CDH13: variants seen among roughly 807,000 people sequenced by gnomAD.
The protein encoded by CDH13 is cadherin 13.
CDH13 carries 24 observed loss-of-function variants against 63.8 expected under a neutral mutation model. The ratio of observed to expected loss-of-function variants is 0.38; its 90% CI spans 0.27 to 0.53. CDH13 has a LOEUF of 0.53. Ranked by LOEUF, CDH13 falls within the 20% of genes least tolerant of loss-of-function variation. The probability of loss-of-function intolerance (pLI) is 0.85; values close to 1 mark genes in which losing one functional copy is unlikely to be tolerated. For synonymous variants in CDH13, 503 were observed against 355.3 expected (o/e 1.42, Z -4.67); for missense variants, 1,049 against 903.1 (o/e 1.16, Z -2.07).
intron 5 of CDH13, among the ~76,000 whole-genome samples, chr16:83,340,631 G>C (rs182878276): frequency 1.3e-5 from 2 of 152,116 alleles, no homozygotes; most frequent in Admixed American, 1.3e-4. Flanking sequence ...TCCTCTGTAG[G>C]ATCTAGACAG....
chr16:83,648,146 C>G (rs1435500446), intron 8 of CDH13, among the ~76,000 whole-genome samples: 3 of 152,026 alleles, frequency 2.0e-5, no homozygotes, highest in Non-Finnish European at 4.4e-5. Context: ...AAAGCCATAC[C>G]TTGGAAGGAC....
chr16:82,652,800 A>G (rs567192309), intron 1 of CDH13, among the ~76,000 whole-genome samples: 1 of 145,940 alleles, frequency 6.9e-6, no homozygotes, highest in African/African-American at 2.5e-5. Flanking sequence ...GTCTTTTGTG[A>G]GTTCTGATGG....
At chr16:82,750,380 C>G (rs1283659316) in intron 1 of CDH13, among the ~76,000 whole-genome samples, 8 of 152,116 alleles carry the variant, frequency 5.3e-5, no homozygotes, top group Non-Finnish European at 1.2e-4. Flanking sequence ...GTGCCTCTAC[C>G]AGCCTCAATC....
In CDH13 at chr16:83,261,127, C is replaced by G. The variant is rs560595882; in HGVS notation, c.636+43630C>G. ...AAGGAGAACAGGGCATCTTGACTGA[C>G]CCACCAAGACTTTGTTATGACATAG... On this transcript the variant is annotated intron_variant, in intron 5 of 13. Coordinates refer to ENST00000567109, the MANE Select transcript of CDH13 (RefSeq NM_001257.5). Among the ~76,000 whole-genome samples, 169 of 152,076 alleles carry G rather than the reference C, an allele frequency of 1.1e-3. 2 individuals carry two copies. Among genetic ancestry groups the G allele is most frequent in the Non-Finnish European group, 2.1e-3 (141 of 68,020 alleles).
chr16:82,860,938 C>T (rs1665602586), intron 2 of CDH13, among the ~76,000 whole-genome samples: 1 of 152,194 alleles, frequency 6.6e-6, no homozygotes, highest in African/African-American at 2.4e-5. Context: ...CTCTCATTCT[C>T]AGTTTATTTT....
At chr16:83,204,255 G>A (rs1488662344) in intron 4 of CDH13, among the ~76,000 whole-genome samples, 1 of 152,202 alleles carries the variant, frequency 6.6e-6, no homozygotes, top group Admixed American at 6.5e-5. Context: ...GGCTCTGGGG[G>A]ATTTGGTTCC....
chr16:82,656,887 T>A (rs1911357019), intron 1 of CDH13, among the ~76,000 whole-genome samples: 1 of 151,978 alleles, frequency 6.6e-6, no homozygotes, highest in South Asian at 2.1e-4. Context: ...GCATTGAAGT[T>A]TCCTCCATGT....
chr16:83,763,593 T>C (rs2150989333), intron 11 of CDH13, among the ~76,000 whole-genome samples: 1 of 152,266 alleles, frequency 6.6e-6, no homozygotes, highest in East Asian at 1.9e-4. Flanking sequence ...AGTAAGATTA[T>C]TTAGATTGAT....
intron 3 of CDH13, among the ~76,000 whole-genome samples, chr16:83,113,920 C>A (rs1597361252): frequency 1.3e-5 from 2 of 152,234 alleles, no homozygotes; most frequent in South Asian, 2.1e-4. Context: ...AGGCTTCATC[C>A]TTTGGCAAGG....
intron 5 of CDH13, among the ~76,000 whole-genome samples, chr16:83,310,615 C>G (rs140276107): frequency 6.6e-6 from 1 of 152,230 alleles, no homozygotes; most frequent in South Asian, 2.1e-4. Flanking sequence ...CACCTTTCTG[C>G]CTTTGCTCAC....
At chr16:82,917,565 C>G (rs531577195) in intron 2 of CDH13, among the ~76,000 whole-genome samples, 2 of 152,196 alleles carry the variant, frequency 1.3e-5, no homozygotes, top group South Asian at 4.2e-4. Flanking sequence ...ATGATACATT[C>G]AAAGAAGCGT....
chr16:83,091,498 T>A (rs1043762707), intron 3 of CDH13, among the ~76,000 whole-genome samples: 15 of 152,210 alleles, frequency 9.9e-5, no homozygotes, highest in Admixed American at 2.0e-4. Flanking sequence ...TGACATTAAT[T>A]TCAGTTCCTT....
At chr16:83,357,664 C>T (rs1482705318) in intron 6 of CDH13, among the ~76,000 whole-genome samples, 3 of 152,184 alleles carry the variant, frequency 2.0e-5, no homozygotes, top group African/African-American at 7.2e-5. Context: ...GACTGGTAAA[C>T]ATACGTCAAT....
chr16:83,518,275 C>A (rs994895903), intron 7 of CDH13, among the ~76,000 whole-genome samples: 2 of 151,784 alleles, frequency 1.3e-5, no homozygotes, highest in Non-Finnish European at 2.9e-5. Context: ...TCCCAAGTAG[C>A]TGGGACTACA....
At chr16:83,432,341 C>T (rs1224243194) in intron 6 of CDH13, among the ~76,000 whole-genome samples, 4 of 152,178 alleles carry the variant, frequency 2.6e-5, no homozygotes, top group Non-Finnish European at 5.9e-5. Context: ...CATACCATGT[C>T]ATCCTATAAT....
intron 5 of CDH13, among the ~76,000 whole-genome samples, chr16:83,248,511 T>G (rs745902537): frequency 1.3e-5 from 2 of 152,140 alleles, no homozygotes; most frequent in Non-Finnish European, 2.9e-5. Context: ...AAAGTCAGGC[T>G]CAAGGGTCAT....
chr16:82,983,701 A>G (rs547119341), intron 2 of CDH13, among the ~76,000 whole-genome samples: 1 of 152,194 alleles, frequency 6.6e-6, no homozygotes, highest in Non-Finnish European at 1.5e-5. Flanking sequence ...GGGTGTGTGT[A>G]TGAGAGAGAT....
intron 4 of CDH13, among the ~76,000 whole-genome samples, chr16:83,169,560 G>GT (rs61606449): frequency 0.14 from 20,996 of 148,886 alleles, 3,524 homozygotes; most frequent in African/African-American, 0.41. Flanking sequence ...CAGTGGTAAG[G>GT]TTTTTTTTTT....
chr16:82,776,357 A>C (rs2035497097), intron 1 of CDH13, among the ~76,000 whole-genome samples: 1 of 152,156 alleles, frequency 6.6e-6, no homozygotes, highest in Non-Finnish European at 1.5e-5. Flanking sequence ...CTTTTGTGAG[A>C]CTATCAAGGC....
Sources: allele counts gnomAD v4.1 joint callset (sites outside exome capture counted in the v4.1 genomes callset), GRCh38; gene constraint gnomAD v4.1.1; transcripts MANE v1.5; gene names NCBI Gene and HGNC (gene_info 2026-07-23, HGNC 2026-07-21).